Variants in ANO4 observed in about 807,000 individuals in gnomAD.
ANO4 encodes the protein anoctamin 4.
Under a neutral mutation model 141.9 loss-of-function variants are expected in ANO4, and 69 were observed. The ratio of observed to expected loss-of-function variants is 0.49; its 90% CI spans 0.40 to 0.59. The LOEUF (loss-of-function observed/expected upper bound fraction) is 0.59, where lower values mean the gene tolerates loss of function less well. Ranked by LOEUF, ANO4 falls within the 20% of genes least tolerant of loss-of-function variation. ANO4 has a pLI of 0.00. For synonymous variants in ANO4, 350 were observed against 394.3 expected, an observed-to-expected ratio of 0.89 and a Z score of 1.33; for missense variants, 894 against 1,162.2, an observed-to-expected ratio of 0.77 and a Z score of 3.36.
chr12:100,971,102 T>C (rs985046346), intron 5 of ANO4, among the ~76,000 whole-genome samples: 5 of 152,224 alleles, frequency 3.3e-5, no homozygotes, highest in African/African-American at 7.2e-5. Flanking sequence ...TGTTTACAGC[T>C]GGGTCTCCAG....
intron 3 of ANO4, among the ~76,000 whole-genome samples, chr12:100,763,536 A>C (rs1486573520): frequency 6.6e-6 from 1 of 152,176 alleles, no homozygotes; most frequent in Non-Finnish European, 1.5e-5. Flanking sequence ...AGCTCCTTAC[A>C]CATCATTCCC....
intron 5 of ANO4, among the ~76,000 whole-genome samples, chr12:100,960,737 A>G (rs139130666): frequency 6.6e-6 from 1 of 152,292 alleles, no homozygotes; most frequent in African/African-American, 2.4e-5. Context: ...TCTGCAGCGT[A>G]CTAAGGGCAT....
chr12:100,882,766 T>A (rs867238201), intron 1 of ANO4, among the ~76,000 whole-genome samples: 1 of 152,138 alleles, frequency 6.6e-6, no homozygotes, highest in African/African-American at 2.4e-5. Flanking sequence ...TGGCATGATC[T>A]TGGCTCTCTG....
intron 14 of ANO4, among the ~76,000 whole-genome samples, chr12:101,064,999 A>C (rs1160080959): frequency 6.6e-6 from 1 of 152,222 alleles, no homozygotes; most frequent in Non-Finnish European, 1.5e-5. Context: ...GTATTCAAGT[A>C]ACCCTTATTT....
chr12:101,060,945 C>T (rs766967802), intron 14 of ANO4, among the ~76,000 whole-genome samples: 1 of 152,032 alleles, frequency 6.6e-6, no homozygotes, highest in Non-Finnish European at 1.5e-5. Flanking sequence ...GTTGTTTTGC[C>T]TGTTAGTTGA....
chr12:101,105,696 A>G (rs557601710), intron 22 of ANO4, among the ~76,000 whole-genome samples: 1 of 152,376 alleles, frequency 6.6e-6, no homozygotes, highest in South Asian at 2.1e-4. Flanking sequence ...TGATTTACGT[A>G]TAAAAATAGA....
At chr12:100,756,634 C>G (rs1004982429) in intron 3 of ANO4, among the ~76,000 whole-genome samples, 1 of 152,282 alleles carries the variant, frequency 6.6e-6, no homozygotes, top group East Asian at 1.9e-4. Flanking sequence ...AGGCATGAGC[C>G]ACTGCGCCCG....
intron 1 of ANO4, among the ~76,000 whole-genome samples, chr12:100,720,573 C>T (rs754295590): frequency 6.6e-6 from 1 of 151,908 alleles, no homozygotes; most frequent in Admixed American, 6.6e-5. Context: ...CCTCCTACCT[C>T]TTGATTTTTT....
At chr12:100,781,558 C>T (rs1450731152) in intron 3 of ANO4, among the ~76,000 whole-genome samples, 1 of 152,126 alleles carries the variant, frequency 6.6e-6, no homozygotes, top group African/African-American at 2.4e-5. Context: ...AGCTTGCTTC[C>T]CTACTAGATT....
chr12:100,990,061 G>T lies in ANO4; in HGVS notation c.734+2391G>T, dbSNP rs141199474. ...AATAGATACATGGATGGGTATAGGA[G>T]TGGTTGTGTAGGTGTATAAATGAAT... is the stretch of plus-strand genomic sequence containing the variant. On this transcript the variant is annotated intron_variant, in intron 8 of 27. Transcript: ENST00000392977. Among the ~76,000 whole-genome samples, 331 of 152,244 alleles carry T rather than the reference G, an allele frequency of 2.2e-3. 2 individuals are homozygous for T. Among genetic ancestry groups the T allele is most frequent in the African/African-American group, 6.8e-3 (281 of 41,536 alleles).
rs530271068 is a variant in ANO4 at position 100,799,701 on chromosome 12, A to G, written c.-141+4674A>G. Among the ~76,000 whole-genome samples, 430 of 152,274 alleles carry G rather than the reference A, an allele frequency of 2.8e-3. 5 individuals carry two copies. The highest frequency in any genetic ancestry group is 9.6e-3 in the African/African-American group (398 of 41,548). ...GGTTGCAGTGAGCCGAGATTGCGCC[A>G]TTGCACTCCAGCCTGGCAACAGAGC... On this transcript the variant is annotated intron_variant, in intron 1 of 27. Transcript: ENST00000392977.
At chr12:100,777,269 CTTTTTTTTTT>C (rs71091463) in intron 3 of ANO4, among the ~76,000 whole-genome samples, 13 of 50,614 alleles carry the variant, frequency 2.6e-4, no homozygotes, top group Admixed American at 7.8e-4. Flanking sequence ...ATTTTTGTAT[CTTTTTTTTTT>C]TTTTTTTTTT....
chr12:101,104,881 T>G (rs1262718469), intron 22 of ANO4, among the ~76,000 whole-genome samples: 1 of 151,900 alleles, frequency 6.6e-6, no homozygotes, highest in Non-Finnish European at 1.5e-5. Flanking sequence ...CAAGTATGAT[T>G]GTGGATTTGT....
intron 22 of ANO4, among the ~76,000 whole-genome samples, chr12:101,103,741 G>T (rs184977130): frequency 2.0e-5 from 3 of 151,766 alleles, no homozygotes; most frequent in Middle Eastern, 6.8e-3. Context: ...TCATTTTTAT[G>T]ATAGCCCTTT....
chr12:100,897,277 G>C (rs2040394658), intron 1 of ANO4, among the ~76,000 whole-genome samples: 1 of 152,220 alleles, frequency 6.6e-6, no homozygotes, highest in Non-Finnish European at 1.5e-5. Flanking sequence ...AGCTGAGTTG[G>C]AGAGGAGGCT....
rs1246069533 is a variant in ANO4 at position 101,097,869 on chromosome 12, A to G, written c.1930A>G (p.Ile644Val). The G allele has an allele frequency of 1.2e-6, 2 of 1,613,846 alleles. No homozygotes were observed. The highest frequency in any genetic ancestry group is 2.2e-5 in the South Asian group (2 of 91,062). ...GCAGTGCCACCCTAGTGGATGCCTT[A>G]TTGATCTGTGTATGCAAATGGGTAT... ...LEECHPSGCLIDLCMQMGIIM... is the reference protein window; with the variant it reads ...LEECHPSGCLVDLCMQMGIIM... The change falls in exon 21 of 28, where the codon ATT (isoleucine) becomes GTT (valine). Residue 644 changes from isoleucine to valine, a missense_variant. Coordinates refer to ENST00000392977, the MANE Select transcript of ANO4 (RefSeq NM_001286615.2).
chr12:100,836,202 TG>T (rs1452405032), intron 1 of ANO4, among the ~76,000 whole-genome samples: 2 of 152,096 alleles, frequency 1.3e-5, no homozygotes, highest in Non-Finnish European at 2.9e-5. Flanking sequence ...TGGGTGAAAA[TG>T]TTGATCTGTT....
intron 6 of ANO4, among the ~76,000 whole-genome samples, chr12:100,974,394 C>A (rs2044067467): frequency 6.6e-6 from 1 of 151,772 alleles, no homozygotes; most frequent in Non-Finnish European, 1.5e-5. Context: ...CCTGTCTATA[C>A]CATGAGAGAC....
chr12:100,937,339 A>G (rs1482541898), intron 3 of ANO4, among the ~76,000 whole-genome samples: 1 of 152,318 alleles, frequency 6.6e-6, no homozygotes, highest in South Asian at 2.1e-4. Flanking sequence ...AACAAATAAG[A>G]TAATTAAGGA....
Sources: gnomAD v4.1 joint callset for allele counts (sites outside exome capture counted in the v4.1 genomes callset) on GRCh38, gnomAD v4.1.1 for gene constraint, MANE v1.5 for transcripts, NCBI Gene and HGNC (gene_info 2026-07-23, HGNC 2026-07-21) for gene names.